FAM83A: variants seen among roughly 807,000 people sequenced by gnomAD.
FAM83A encodes protein FAM83A.
In FAM83A, 21 loss-of-function variants were observed where a neutral mutation model predicts 24.4. That is an observed-to-expected ratio of 0.86 (90% CI 0.61 to 1.24). FAM83A has a LOEUF of 1.24. Among genes scored for constraint, FAM83A ranks in the 50% most tolerant of loss-of-function variants. The pLI, the probability that FAM83A is intolerant of heterozygous loss-of-function variation, is 0.00. For missense variants in FAM83A, 617 were observed against 579.8 expected, an observed-to-expected ratio of 1.06 and a Z score of -0.66; for synonymous variants, 270 against 252.4, an observed-to-expected ratio of 1.07 and a Z score of -0.66.
chr8:123,197,621 G>T (rs905961507), intron 3 of FAM83A, among the ~76,000 whole-genome samples: 11 of 152,174 alleles, frequency 7.2e-5, no homozygotes, highest in African/African-American at 2.2e-4. Context: ...TATTAGCTGA[G>T]GAATTCTTGC....
At chr8:123,204,462 A>G (rs1336765990) in intron 3 of FAM83A, among the ~76,000 whole-genome samples, 1 of 152,214 alleles carries the variant, frequency 6.6e-6, no homozygotes, top group African/African-American at 2.4e-5. Context: ...GCCAAACAAC[A>G]ATAGAAATAA....
upstream of FAM83A, among the ~76,000 whole-genome samples, chr8:123,181,071 C>G (rs1325880774): frequency 1.3e-5 from 2 of 152,078 alleles, no homozygotes; most frequent in Non-Finnish European, 2.9e-5. Flanking sequence ...ATCTCCTGCC[C>G]CAGTAGCTGG....
chr8:123,182,825 G>C, exon 1 of FAM83A: 1 of 1,514,074 alleles, frequency 6.6e-7, no homozygotes, highest in Non-Finnish European at 8.8e-7. Context: ...TGACGTGCCA[G>C]CCTCCCCCAG....
intron 1 of FAM83A, among the ~76,000 whole-genome samples, chr8:123,184,698 G>A (rs1823732472): frequency 6.6e-6 from 1 of 152,248 alleles, no homozygotes; most frequent in Non-Finnish European, 1.5e-5. Context: ...GCACCAGGCT[G>A]TGGGTGCCCA....
At chr8:123,192,908 A>C (rs1317260949) in intron 2 of FAM83A, 1 of 152,320 alleles carries the variant, frequency 6.6e-6, no homozygotes, top group East Asian at 1.9e-4. Context: ...CACACCTGAC[A>C]GTACTCTGCT....
At position 123,209,360 on chromosome 8, in the gene FAM83A, GTTTCT is replaced by G. The variant is rs570554450; in HGVS notation, c.*1676_*1680del. Reference sequence around the variant, plus strand: ...ATGATCTGGGGCATCTTGGCTTCTGGTTTCTTTTATTATTATTATTATTATTAATT... The same window carrying G: ...ATGATCTGGGGCATCTTGGCTTCTGGTTTATTATTATTATTATTATTAATT... On this transcript the variant is annotated 3_prime_UTR_variant, in exon 4 of 4. Coordinates refer to ENST00000690554, the Ensembl canonical transcript of FAM83A. The surrounding 1 kb of genome is among the most constrained non-coding windows in gnomAD (Gnocchi z 4.7). 1.4e-3 allele frequency: 2,116 copies of G among 1,462,478 alleles called. 45 individuals are homozygous for G. The South Asian group carries it at 0.029, about 20-fold the overall frequency. The allele number at this position is 1,462,478 out of a possible 1,614,324, so 90.6% of individuals were successfully genotyped here.
At chr8:123,188,787 A>G (rs1290385037) in intron 1 of FAM83A, among the ~76,000 whole-genome samples, 1 of 152,182 alleles carries the variant, frequency 6.6e-6, no homozygotes, top group African/African-American at 2.4e-5. Context: ...CTGGCCTTCA[A>G]CCCACTATAC....
chr8:123,185,409 C>T (rs954388321), intron 1 of FAM83A, among the ~76,000 whole-genome samples: 1 of 152,220 alleles, frequency 6.6e-6, no homozygotes, highest in African/African-American at 2.4e-5. Flanking sequence ...TTGTAAAACA[C>T]AGTCCCCTGG....
chr8:123,191,991 C>A (rs1391830182), intron 2 of FAM83A, 21 bp downstream of exon 2: 1 of 1,612,718 alleles, frequency 6.2e-7, no homozygotes. Flanking sequence ...CAATGAGAGT[C>A]CTAAGGGTAC....
exon 4 of FAM83A, chr8:123,207,600 C>T: frequency 1.3e-6 from 2 of 1,568,284 alleles, no homozygotes; most frequent in Non-Finnish European, 1.7e-6. Context: ...GCCTACAGGC[C>T]CACGCGGCTG....
chr8:123,190,670 A>G (rs1563782403), intron 1 of FAM83A, among the ~76,000 whole-genome samples: 1 of 152,180 alleles, frequency 6.6e-6, no homozygotes, highest in Non-Finnish European at 1.5e-5. Context: ...AACCCAAACA[A>G]GCTTAAGAAG....
chr8:123,209,715 G>A lies in FAM83A; in HGVS notation c.*2027G>A. 1 of 701,514 alleles carries A rather than the reference G, an allele frequency of 1.4e-6. No homozygotes were observed. The highest frequency in any genetic ancestry group is 2.6e-5 in the Admixed American group (1 of 37,968). 43.5% of individuals were successfully genotyped at this position (701,514 alleles called of 1,614,324 possible). ...CTGGGAGATAGGGGAGAACCTGCAG[G>A]CAGGAACAAGCCCCCCTACTCCTGA... On this transcript the variant is annotated 3_prime_UTR_variant, in exon 4 of 4. Coordinates refer to ENST00000690554, the Ensembl canonical transcript of FAM83A. This position sits in a 1 kb window ranked among gnomAD's most constrained non-coding sequence, Gnocchi z 4.7.
intron 1 of FAM83A, among the ~76,000 whole-genome samples, chr8:123,185,916 G>A (rs549577928): frequency 1.7e-3 from 251 of 152,074 alleles, no homozygotes; most frequent in African/African-American, 5.8e-3. Context: ...TCAGCCTCCC[G>A]AGTAGCTGGG....
chr8:123,183,363 G>A (rs764567116), intron 1 of FAM83A, 27 bp downstream of exon 1: 25 of 1,592,572 alleles, frequency 1.6e-5, no homozygotes, highest in African/African-American at 4.0e-5. Context: ...CCCTGTCTCC[G>A]TGGCCAAGTA....
At position 123,203,588 on chromosome 8, in the gene FAM83A, A is replaced by AT. The variant is rs1256174094; in HGVS notation, c.774-3569_774-3568insT. 7.8e-5 allele frequency among the ~76,000 whole-genome samples: 10 copies of AT among 127,918 alleles called. No individual in the cohort carries two copies. In the East Asian group the frequency reaches 1.7e-3, roughly 22 times the overall value. The allele number at this position is 127,918 out of a possible 152,430, so 83.9% of individuals were successfully genotyped here. A position where few individuals can be genotyped will look rare whatever the true frequency, so the allele number is the denominator to read the frequency against. On this transcript the variant is annotated intron_variant, in intron 3 of 3. Coordinates refer to ENST00000690554, the Ensembl canonical transcript of FAM83A. Reference sequence around the variant, plus strand: ...GGGGGACAGAATGAGATCTGTCTCAAAAAAAAAAAAAAAAAAAAAAGTAAG... The same window carrying AT: ...GGGGGACAGAATGAGATCTGTCTCAATAAAAAAAAAAAAAAAAAAAAGTAAG...
At chr8:123,207,984 C>T (rs1453177775) in exon 4 of FAM83A, 9 of 1,192,590 alleles carry the variant, frequency 7.5e-6, no homozygotes, top group Admixed American at 4.4e-5. Flanking sequence ...AGAGATCATC[C>T]GGGGCTTTAA....
chr8:123,182,478 A>C, upstream of FAM83A: 3 of 433,964 alleles, frequency 6.9e-6, no homozygotes, highest in Admixed American at 2.5e-5. Flanking sequence ...CTGCTTGGTA[A>C]CAAAGGCCTG....
chr8:123,208,114 G>C (rs1824626607), exon 4 of FAM83A: 1 of 1,004,408 alleles, frequency 1.0e-6, no homozygotes, highest in Non-Finnish European at 1.2e-6. Context: ...CAGTGCCCAG[G>C]AATGGTCCAC....
At chr8:123,186,428 G>A (rs976916167) in intron 1 of FAM83A, among the ~76,000 whole-genome samples, 3 of 112,928 alleles carry the variant, frequency 2.7e-5, no homozygotes, top group Non-Finnish European at 6.6e-5. Flanking sequence ...GCCCCCGAGC[G>A]GAGCCGGAAG....
Sources: gnomAD v4.1 joint callset for allele counts (sites outside exome capture counted in the v4.1 genomes callset) on GRCh38, gnomAD v4.1.1 for gene constraint, Gnocchi (gnomAD v3.1) non-coding constraint, MANE v1.5 for transcripts, NCBI Gene and HGNC (gene_info 2026-07-23, HGNC 2026-07-21) for gene names.